Variants in AP2B1 observed in about 807,000 individuals in gnomAD.
AP2B1 encodes adaptor related protein complex 2 subunit beta 1, also known as AP-2 complex subunit beta.
A neutral mutation model predicts 102.0 loss-of-function variants in AP2B1; 23 were observed. The observed-to-expected ratio is 0.23, with a 90% CI of 0.16 to 0.32. The LOEUF (loss-of-function observed/expected upper bound fraction) is 0.32, where lower values mean the gene tolerates loss of function less well. Among genes scored for constraint, AP2B1 ranks in the 10% least tolerant of loss-of-function variants. The pLI, the probability that AP2B1 is intolerant of heterozygous loss-of-function variation, is 1.00. For missense variants in AP2B1, 541 were observed against 1,157.4 expected (o/e 0.47, Z 7.73); for synonymous variants, 381 against 421.2 (o/e 0.90, Z 1.17).
chr17:35,598,160 TA>T (rs2073355028), intron 2 of AP2B1, 69 bp from the exon 3 acceptor site: 3 of 729,248 alleles, frequency 4.1e-6, no homozygotes, highest in Non-Finnish European at 6.7e-6. Context: ...TATTGGTTAT[TA>T]CATAGTGTAG....
In AP2B1 at chr17:35,681,796, C is replaced by T. The variant is rs754382593; in HGVS notation, c.2325-899C>T. Among the ~76,000 whole-genome samples, 11 of 152,098 alleles carry T rather than the reference C, an allele frequency of 7.2e-5. No individual in the cohort carries two copies. The East Asian group carries it at 1.5e-3, about 21-fold the overall frequency. ...ATTCATCAAACCTGCCCTCTAGTGACGTTTTAAAGAGAAGGAACTTTCAGA... is the reference window on the plus strand; with the variant it reads ...ATTCATCAAACCTGCCCTCTAGTGATGTTTTAAAGAGAAGGAACTTTCAGA... On this transcript the variant is annotated intron_variant, in intron 17 of 21. Transcript: ENST00000610402.
At chr17:35,635,466 C>T (rs1005851988) in intron 9 of AP2B1, among the ~76,000 whole-genome samples, 1 of 151,492 alleles carries the variant, frequency 6.6e-6, no homozygotes, top group Admixed American at 6.6e-5. Context: ...CTAACTACAA[C>T]CTCTGCCTCC....
intron 2 of AP2B1, among the ~76,000 whole-genome samples, chr17:35,595,536 G>A (rs2073240824): frequency 1.3e-5 from 2 of 152,210 alleles, no homozygotes; most frequent in South Asian, 2.1e-4. Flanking sequence ...AACAGAGAGA[G>A]ACCCTGTCTC....
At chr17:35,629,380 C>A (rs1486333489) in intron 9 of AP2B1, among the ~76,000 whole-genome samples, 1 of 152,004 alleles carries the variant, frequency 6.6e-6, no homozygotes, top group African/African-American at 2.4e-5. Context: ...CTTTTGCAGT[C>A]CTCTGTCTTC....
chr17:35,646,205 A>G (rs1167547739), intron 12 of AP2B1, among the ~76,000 whole-genome samples: 2 of 152,250 alleles, frequency 1.3e-5, no homozygotes, highest in Non-Finnish European at 2.9e-5. Flanking sequence ...CAGTAGATCC[A>G]AAGCCAAATT....
At chr17:35,614,465 T>C (rs975539471) in intron 5 of AP2B1, among the ~76,000 whole-genome samples, 1 of 152,044 alleles carries the variant, frequency 6.6e-6, no homozygotes, top group African/African-American at 2.4e-5. Context: ...ACTGAGATTA[T>C]AGGCGTGAGC....
chr17:35,670,569 G>C (rs1378498770), intron 14 of AP2B1, among the ~76,000 whole-genome samples: 1 of 152,102 alleles, frequency 6.6e-6, no homozygotes, highest in Admixed American at 6.5e-5. Context: ...GTTTGGGTTT[G>C]TGCCTGTGTA....
At chr17:35,614,253 A>G (rs1001662188) in intron 5 of AP2B1, among the ~76,000 whole-genome samples, 12 of 152,116 alleles carry the variant, frequency 7.9e-5, no homozygotes, top group Non-Finnish European at 1.5e-4. Context: ...GCTGGTGTGC[A>G]ATGGCTTGAT....
chr17:35,665,252 G>A (rs1276420464), intron 14 of AP2B1, among the ~76,000 whole-genome samples: 1 of 144,558 alleles, frequency 6.9e-6, no homozygotes, highest in South Asian at 2.3e-4. Flanking sequence ...CGCAGCCTCC[G>A]AACTAGCTGG....
chr17:35,651,547 G>A (rs942569978), intron 13 of AP2B1, among the ~76,000 whole-genome samples: 1 of 152,160 alleles, frequency 6.6e-6, no homozygotes, highest in African/African-American at 2.4e-5. Context: ...TTCCAGAGTA[G>A]TTAGAATAAT....
At chr17:35,601,477 A>G (rs1597991495) in intron 3 of AP2B1, among the ~76,000 whole-genome samples, 1 of 151,974 alleles carries the variant, frequency 6.6e-6, no homozygotes, top group African/African-American at 2.4e-5. Context: ...CTGTATATGC[A>G]CCTGCCATCA....
Position 35,657,761 on chromosome 17 carries a change from G to A in AP2B1, c.1959G>A (p.Val653=), listed in dbSNP as rs377162007. 6.2e-7 allele frequency: 1 copy of A among 1,613,716 alleles called. No homozygotes were observed. Among genetic ancestry groups the A allele is most frequent in the Non-Finnish European group, 8.5e-7 (1 of 1,179,890 alleles). Residue 653 remains valine, a synonymous_variant, in exon 14 of 22, where the codon GTG becomes GTA. Transcript: ENST00000610402. ...PQVSSMQMGA[V]DLLGGGLDSL... Reference sequence around the variant, plus strand: ...TGTCCTCCATGCAGATGGGAGCAGTGGATCTCCTAGGAGGAGGACTAGATA... The same window carrying A: ...TGTCCTCCATGCAGATGGGAGCAGTAGATCTCCTAGGAGGAGGACTAGATA...
At chr17:35,668,007 G>A (rs921579494) in intron 14 of AP2B1, among the ~76,000 whole-genome samples, 3 of 143,418 alleles carry the variant, frequency 2.1e-5, no homozygotes, top group African/African-American at 7.9e-5. Context: ...GCATGATCTC[G>A]GCTCACTGCA....
chr17:35,705,257 A>G (rs34210331), intron 18 of AP2B1, among the ~76,000 whole-genome samples: 2 of 152,172 alleles, frequency 1.3e-5, no homozygotes, highest in African/African-American at 2.4e-5. Context: ...GCTAATGTAA[A>G]AGAGATGAAC....
intron 20 of AP2B1, 22 bp from the exon 21 acceptor site, chr17:35,717,173 G>A (rs781808320): frequency 6.2e-7 from 1 of 1,611,506 alleles, no homozygotes; most frequent in Admixed American, 1.7e-5. Context: ...GAAGGTGTTG[G>A]ATTTTGAATC....
At chr17:35,712,306 A>G (rs946425712) in intron 20 of AP2B1, among the ~76,000 whole-genome samples, 17 of 152,246 alleles carry the variant, frequency 1.1e-4, no homozygotes, top group Admixed American at 3.9e-4. Flanking sequence ...TTCAAATAGA[A>G]TGTTCCTCAG....
chr17:35,595,264 C>T (rs2073229297), intron 2 of AP2B1, among the ~76,000 whole-genome samples: 1 of 152,138 alleles, frequency 6.6e-6, no homozygotes, highest in Non-Finnish European at 1.5e-5. Context: ...CTCCAGGTGG[C>T]CAGGCATGGT....
chr17:35,616,670 G>A (rs1480735009), intron 5 of AP2B1, among the ~76,000 whole-genome samples: 2 of 152,130 alleles, frequency 1.3e-5, no homozygotes, highest in Non-Finnish European at 2.9e-5. Flanking sequence ...CAACACTAAT[G>A]TCCTTTCGCT....
chr17:35,626,478 A>G (rs1179358280), intron 6 of AP2B1, 143 bp from the exon 7 acceptor site: 1 of 698,396 alleles, frequency 1.4e-6, no homozygotes, highest in African/African-American at 1.8e-5. Context: ...TCCCAATTTT[A>G]CCTAAGCATG....
Sources: allele counts gnomAD v4.1 joint callset (sites outside exome capture counted in the v4.1 genomes callset), GRCh38; gene constraint gnomAD v4.1.1; transcripts MANE v1.5; gene names NCBI Gene and HGNC (gene_info 2026-07-23, HGNC 2026-07-21).